Variants in C13orf46 observed in about 807,000 individuals in gnomAD.
The protein encoded by C13orf46 is uncharacterized protein C13orf46.
chr13:113,970,434 T>TGGCTCAGCCCCAGC (rs1316010779), intron 1 of C13orf46: 1 of 152,412 alleles, frequency 6.6e-6, no homozygotes, highest in East Asian at 1.9e-4. Flanking sequence ...GCCTTGAGCC[T>TGGCTCAGCCCCAGC]GGCTCAGCCC....
At chr13:113,949,563 T>G (rs1195428445), downstream of C13orf46, among the ~76,000 whole-genome samples, 1 of 152,236 alleles carries the variant, frequency 6.6e-6, no homozygotes, top group East Asian at 1.9e-4. Context: ...TTCCTCTTTT[T>G]GCCTAAAGCA....
rs1488144570 is a variant in C13orf46 at position 113,957,309 on chromosome 13, C to G, written c.573-470G>C. Among the ~76,000 whole-genome samples, 32 of 124,844 alleles carry G rather than the reference C, an allele frequency of 2.6e-4. 1 individual carries two copies. The highest frequency in any genetic ancestry group is 5.0e-4 in the Non-Finnish European group (30 of 60,288). 81.9% of individuals were successfully genotyped at this position (124,844 alleles called of 152,430 possible). A position where few individuals can be genotyped will look rare whatever the true frequency, so the allele number is the denominator to read the frequency against. ...TGGGGGGTCTCCCCTGCACTCTGCACCCCCTTTCATCAAGCACACTGGGGG... is the reference window on the plus strand; with the variant it reads ...TGGGGGGTCTCCCCTGCACTCTGCAGCCCCTTTCATCAAGCACACTGGGGG... On this transcript the variant is annotated intron_variant, in intron 6 of 6. Transcript: ENST00000636427.
At chr13:113,927,728 T>G in the C13orf46 span, 1 of 397,524 alleles carries the variant, frequency 2.5e-6, no homozygotes, top group Non-Finnish European at 4.4e-6. Flanking sequence ...TTCCAGCTCC[T>G]GAGGCCATGT....
At chr13:113,936,417 T>C in the C13orf46 span, among the ~76,000 whole-genome samples, 1 of 152,182 alleles carries the variant, frequency 6.6e-6, no homozygotes, top group African/African-American at 2.4e-5. Context: ...CCATTCCCAC[T>C]GGCTCAAAGG....
chr13:113,943,365 G>C, the C13orf46 span, among the ~76,000 whole-genome samples: 1 of 152,186 alleles, frequency 6.6e-6, no homozygotes, highest in East Asian at 1.9e-4. Context: ...AGCAGTCAGG[G>C]GAGCAGAACT....
chr13:113,940,302 C>A, the C13orf46 span, among the ~76,000 whole-genome samples: 1 of 152,264 alleles, frequency 6.6e-6, no homozygotes, highest in African/African-American at 2.4e-5. Flanking sequence ...AGCCCCCCAC[C>A]CCCAGATGAG....
intron 6 of C13orf46, among the ~76,000 whole-genome samples, chr13:113,963,661 T>A (rs1410509321): frequency 1.3e-5 from 1 of 79,770 alleles, no homozygotes; most frequent in Non-Finnish European, 3.4e-5. Context: ...GTCCTCAGCC[T>A]TGCCCCTGTC....
chr13:113,946,400 G>C, the C13orf46 span, among the ~76,000 whole-genome samples: 3 of 152,226 alleles, frequency 2.0e-5, no homozygotes, highest in Non-Finnish European at 4.4e-5. Flanking sequence ...CCTGGGAACT[G>C]AAGGGCGTCC....
the C13orf46 span, among the ~76,000 whole-genome samples, chr13:113,932,297 G>A: frequency 6.6e-6 from 1 of 152,242 alleles, no homozygotes; most frequent in Non-Finnish European, 1.5e-5. Context: ...AGCTTTTTAA[G>A]AAATGGCCGA....
intron 1 of C13orf46, among the ~76,000 whole-genome samples, chr13:113,972,057 A>G (rs1293252044): frequency 6.6e-6 from 1 of 152,168 alleles, no homozygotes; most frequent in African/African-American, 2.4e-5. Flanking sequence ...GGCACCTCCC[A>G]TCGTGCAGTT....
In C13orf46 at chr13:113,960,959, T is replaced by A. The variant is rs1025198424; in HGVS notation, c.572+3968A>T. ...TCCTTTATCTTTATTAGATTTTGATTACTTAAGACAACTGAGCTTTAAAAG... is the reference window on the plus strand; with the variant it reads ...TCCTTTATCTTTATTAGATTTTGATAACTTAAGACAACTGAGCTTTAAAAG... On this transcript the variant is annotated intron_variant, in intron 6 of 6. Coordinates refer to ENST00000636427, the MANE Select transcript of C13orf46 (RefSeq NM_001365455.2). 2.1e-3 allele frequency among the ~76,000 whole-genome samples: 322 copies of A among 152,382 alleles called. 2 individuals carry two copies. In the Middle Eastern group the frequency reaches 0.041, roughly 19 times the overall value.
chr13:113,966,956 G>A (rs1160176322), intron 5 of C13orf46, among the ~76,000 whole-genome samples: 1 of 152,104 alleles, frequency 6.6e-6, no homozygotes, highest in Non-Finnish European at 1.5e-5. Context: ...GTTGTTTTGA[G>A]CATTTACTGA....
chr13:113,937,427 T>A, the C13orf46 span, among the ~76,000 whole-genome samples: 1 of 152,310 alleles, frequency 6.6e-6, no homozygotes, highest in East Asian at 1.9e-4. Context: ...TAACAATCAT[T>A]AGCACTGGGG....
At chr13:113,957,854 T>C (rs1353246645) in intron 6 of C13orf46, among the ~76,000 whole-genome samples, 27 of 132,984 alleles carry the variant, frequency 2.0e-4, no homozygotes, top group African/African-American at 7.5e-4. Flanking sequence ...CCCCCTTTCA[T>C]CAAGCGCACT....
chr13:113,963,707 G>A (rs1026849551), intron 6 of C13orf46, among the ~76,000 whole-genome samples: 15 of 152,212 alleles, frequency 9.9e-5, no homozygotes, highest in African/African-American at 3.6e-4. Flanking sequence ...CTCAGCTGCA[G>A]CCACTGTCCT....
At chr13:113,935,129 G>T in the C13orf46 span, among the ~76,000 whole-genome samples, 4 of 152,316 alleles carry the variant, frequency 2.6e-5, no homozygotes, top group East Asian at 1.9e-4. Context: ...CACAGCCCGA[G>T]GGGGGGAACA....
chr13:113,959,381 G>C (rs905052573), intron 6 of C13orf46, among the ~76,000 whole-genome samples: 3 of 152,184 alleles, frequency 2.0e-5, no homozygotes, highest in Non-Finnish European at 2.9e-5. Context: ...TGATTGGGTA[G>C]AATGTGTGAG....
the C13orf46 span, chr13:113,927,292 T>C: frequency 2.7e-6 from 1 of 368,538 alleles, no homozygotes; most frequent in Non-Finnish European, 4.8e-6. Flanking sequence ...GACCTTCATA[T>C]GTGGGACAGG....
chr13:113,955,282 C>T lies in C13orf46; in HGVS notation c.*1491G>A, dbSNP rs1380107273. Reference sequence around the variant, plus strand: ...ATCTGGCGGAGAGGAGGAGTAGTATCTGGCGGAGAGGAGTAGTATCTGGCA... The same window carrying T: ...ATCTGGCGGAGAGGAGGAGTAGTATTTGGCGGAGAGGAGTAGTATCTGGCA... On this transcript the variant is annotated 3_prime_UTR_variant, in exon 7 of 7. Transcript: ENST00000636427. 53 of 149,238 alleles carry T rather than the reference C, an allele frequency of 3.6e-4. No homozygotes were observed. Among genetic ancestry groups the T allele is most frequent in the Non-Finnish European group, 6.4e-4 (50 of 77,554 alleles). The allele number at this position is 149,238 out of a possible 1,614,324, so 9.2% of individuals were successfully genotyped here. A position where few individuals can be genotyped will look rare whatever the true frequency, so the allele number is the denominator to read the frequency against.
Sources: gnomAD v4.1 joint callset for allele counts (sites outside exome capture counted in the v4.1 genomes callset) on GRCh38, gnomAD v4.1.1 for gene constraint, MANE v1.5 for transcripts, NCBI Gene and HGNC (gene_info 2026-07-23, HGNC 2026-07-21) for gene names.